Variants in MAGI1 observed in about 807,000 individuals in gnomAD.
The protein encoded by MAGI1 is membrane associated guanylate kinase, WW and PDZ domain containing 1.
MAGI1 carries 58 observed loss-of-function variants against 139.9 expected under a neutral mutation model. The observed-to-expected ratio is 0.41, with a 90% confidence interval of 0.34 to 0.52. The LOEUF (loss-of-function observed/expected upper bound fraction) is 0.52, where lower values mean the gene tolerates loss of function less well. Ranked by LOEUF, MAGI1 falls within the 20% of genes least tolerant of loss-of-function variation. The pLI is 0.12. For synonymous variants in MAGI1, 812 were observed against 737.9 expected, an observed-to-expected ratio of 1.10 and a Z score of -1.63; for missense variants, 1,874 against 1,901.6, an observed-to-expected ratio of 0.99 and a Z score of 0.27.
chr3:65,960,930 G>A (rs1431774342), intron 1 of MAGI1, among the ~76,000 whole-genome samples: 1 of 152,170 alleles, frequency 6.6e-6, no homozygotes, highest in Non-Finnish European at 1.5e-5. Context: ...TTTACTTTCT[G>A]TACCTTGGCT....
chr3:65,425,299 T>C (rs1201316345), intron 12 of MAGI1, among the ~76,000 whole-genome samples: 1 of 152,146 alleles, frequency 6.6e-6, no homozygotes, highest in African/African-American at 2.4e-5. Flanking sequence ...ATTTAATCTA[T>C]GTACATCATG....
intron 1 of MAGI1, among the ~76,000 whole-genome samples, chr3:65,996,777 C>G (rs998057591): frequency 1.3e-5 from 2 of 152,232 alleles, no homozygotes; most frequent in Admixed American, 6.5e-5. Flanking sequence ...CGGGCACTCA[C>G]GAAGTTTCAT....
At chr3:65,702,641 G>C (rs957237258) in intron 1 of MAGI1, among the ~76,000 whole-genome samples, 1 of 151,984 alleles carries the variant, frequency 6.6e-6, no homozygotes, top group South Asian at 2.1e-4. Context: ...CAGCCTTAAA[G>C]CTCCCTTCTC....
At chr3:65,499,031 A>G in intron 2 of MAGI1, 2 of 984,292 alleles carry the variant, frequency 2.0e-6, no homozygotes, top group Non-Finnish European at 2.4e-6. Flanking sequence ...ACAGCATGAC[A>G]TCTCAAACAG....
intron 6 of MAGI1, 79 bp downstream of exon 6, chr3:65,453,179 C>G (rs765054423): frequency 8.0e-7 from 1 of 1,253,218 alleles, no homozygotes; most frequent in South Asian, 1.2e-5. Flanking sequence ...CCCGACTGAC[C>G]TGGCTACGAC....
intron 1 of MAGI1, among the ~76,000 whole-genome samples, chr3:65,937,035 C>T (rs2063098266): frequency 1.3e-5 from 2 of 151,704 alleles, no homozygotes; most frequent in South Asian, 4.1e-4. Flanking sequence ...ATTTTCTCCA[C>T]AGACAGTATC....
intron 1 of MAGI1, among the ~76,000 whole-genome samples, chr3:65,710,428 G>A (rs2031220861): frequency 6.6e-6 from 1 of 151,726 alleles, no homozygotes; most frequent in African/African-American, 2.4e-5. Flanking sequence ...TTACAGGCAT[G>A]CACCACCATG....
At chr3:65,409,665 C>T (rs182480568) in intron 12 of MAGI1, among the ~76,000 whole-genome samples, 2 of 151,888 alleles carry the variant, frequency 1.3e-5, no homozygotes, top group Non-Finnish European at 2.9e-5. Flanking sequence ...GGCTAAATAC[C>T]ATCATAACCC....
intron 2 of MAGI1, among the ~76,000 whole-genome samples, chr3:65,514,105 A>G (rs1244693195): frequency 2.7e-5 from 4 of 149,318 alleles, no homozygotes; most frequent in Non-Finnish European, 6.0e-5. Context: ...GGCTAGCCAT[A>G]TGTAGAAAGC....
chr3:65,915,095 G>T (rs531458887), intron 1 of MAGI1, among the ~76,000 whole-genome samples: 1 of 152,242 alleles, frequency 6.6e-6, no homozygotes, highest in South Asian at 2.1e-4. Context: ...CAAATTGTGT[G>T]GTAAATGATG....
chr3:65,712,950 CTTTATTCTCT>C (rs2031687613), intron 1 of MAGI1, among the ~76,000 whole-genome samples: 1 of 152,182 alleles, frequency 6.6e-6, no homozygotes, highest in Non-Finnish European at 1.5e-5. Flanking sequence ...ATCACTCTAC[CTTTATTCTCT>C]CACTGGTAGG....
intron 1 of MAGI1, among the ~76,000 whole-genome samples, chr3:66,010,757 T>C (rs552226950): frequency 4.7e-4 from 72 of 152,318 alleles, no homozygotes; most frequent in African/African-American, 1.6e-3. Flanking sequence ...TGAACTGAAC[T>C]GTGTTTATTT....
intron 1 of MAGI1, among the ~76,000 whole-genome samples, chr3:65,649,892 G>A (rs542454579): frequency 6.6e-5 from 10 of 152,260 alleles, no homozygotes; most frequent in South Asian, 6.2e-4. Flanking sequence ...TCACTCATAC[G>A]CTGCCTGTGG....
At chr3:65,651,010 C>CA (rs2085546049) in intron 1 of MAGI1, among the ~76,000 whole-genome samples, 1 of 151,918 alleles carries the variant, frequency 6.6e-6, no homozygotes, top group South Asian at 2.1e-4. Context: ...TAAGCAAGAC[C>CA]AAAAAAATTG....
chr3:65,709,534 G>C (rs144887132), intron 1 of MAGI1, among the ~76,000 whole-genome samples: 178 of 152,302 alleles, frequency 1.2e-3, no homozygotes, highest in African/African-American at 3.9e-3. Context: ...AACATCATGG[G>C]TGAGTTTTGG....
chr3:65,532,448 C>T lies in MAGI1; in HGVS notation c.431-38817G>A, dbSNP rs528503930. The stretch of plus-strand genomic sequence containing the variant: ...ACATGATGCCCTGGAATACAGACTA[C>T]ATATGTGGCCTACCGGCAGCTAGAC... On this transcript the variant is annotated intron_variant, in intron 2 of 22. Transcript: ENST00000402939. Among the ~76,000 whole-genome samples the T allele has an allele frequency of 2.0e-5, 3 of 152,324 alleles. No homozygotes were observed. In the East Asian group the frequency reaches 5.8e-4, roughly 29 times the overall value.
chr3:65,653,451 C>T (rs2085698525), intron 1 of MAGI1, among the ~76,000 whole-genome samples: 1 of 152,158 alleles, frequency 6.6e-6, no homozygotes, highest in Non-Finnish European at 1.5e-5. Flanking sequence ...CAGACACCTG[C>T]AAGCTTCCGT....
At chr3:65,683,474 AT>A (rs1384213902) in intron 1 of MAGI1, among the ~76,000 whole-genome samples, 1 of 151,180 alleles carries the variant, frequency 6.6e-6, no homozygotes, top group East Asian at 1.9e-4. Context: ...ATAAAGCCTT[AT>A]TAAAAAAAAG....
At chr3:65,812,468 T>TCTCTCACACACACACACA (rs1176899313) in intron 1 of MAGI1, among the ~76,000 whole-genome samples, 13 of 89,166 alleles carry the variant, frequency 1.5e-4, no homozygotes, top group African/African-American at 4.2e-4. Flanking sequence ...TCTCTCTCTC[T>TCTCTCACACACACACACA]CACACACACA....
Sources: gnomAD v4.1 joint callset for allele counts (sites outside exome capture counted in the v4.1 genomes callset) on GRCh38, gnomAD v4.1.1 for gene constraint, MANE v1.5 for transcripts, NCBI Gene and HGNC (gene_info 2026-07-23, HGNC 2026-07-21) for gene names.